RPH3A: variants seen among roughly 807,000 people sequenced by gnomAD.
The protein encoded by RPH3A is rabphilin-3A.
A neutral mutation model predicts 102.2 loss-of-function variants in RPH3A; 48 were observed. The ratio of observed to expected loss-of-function variants is 0.47; its 90% CI spans 0.37 to 0.60. RPH3A has a LOEUF of 0.60. Among genes scored for constraint, RPH3A ranks in the 20% least tolerant of loss-of-function variants. The probability of loss-of-function intolerance (pLI) is 0.00; values close to 1 mark genes in which losing one functional copy is unlikely to be tolerated. For synonymous variants in RPH3A, 310 were observed against 324.3 expected (o/e 0.96, Z 0.47); for missense variants, 781 against 910.1 (o/e 0.86, Z 1.83).
intron 5 of RPH3A, among the ~76,000 whole-genome samples, chr12:112,854,509 G>A (rs2042376710): frequency 6.6e-6 from 1 of 152,240 alleles, no homozygotes; most frequent in East Asian, 1.9e-4. Flanking sequence ...CTGAAGAACA[G>A]AGAGGTTTAG....
chr12:112,865,892 C>T (rs1406280571), intron 6 of RPH3A, among the ~76,000 whole-genome samples: 1 of 152,206 alleles, frequency 6.6e-6, no homozygotes, highest in African/African-American at 2.4e-5. Flanking sequence ...ATGCTAAGCA[C>T]ATGTTTATAC....
chr12:112,601,668 A>G (rs2039560557), intron 1 of RPH3A, among the ~76,000 whole-genome samples: 1 of 152,238 alleles, frequency 6.6e-6, no homozygotes. Context: ...ATAGTGGCTC[A>G]TGCCTGTAAT....
chr12:112,833,978 C>G (rs1482702751), intron 3 of RPH3A, among the ~76,000 whole-genome samples: 2 of 152,126 alleles, frequency 1.3e-5, no homozygotes, highest in African/African-American at 4.8e-5. Context: ...TCCTCCAGCC[C>G]TGGCCTCCCA....
intron 1 of RPH3A, among the ~76,000 whole-genome samples, chr12:112,654,810 G>T (rs1198784653): frequency 6.6e-6 from 1 of 152,160 alleles, no homozygotes; most frequent in Admixed American, 6.5e-5. Flanking sequence ...TTAGTTCAAG[G>T]AGGTGGTGTT....
At chr12:112,734,609 C>T (rs1262144608) in intron 1 of RPH3A, among the ~76,000 whole-genome samples, 2 of 152,180 alleles carry the variant, frequency 1.3e-5, no homozygotes, top group African/African-American at 4.8e-5. Flanking sequence ...GGCAGAGCAG[C>T]AGCTTGGGCT....
chr12:112,680,282 G>A (rs889685300), intron 1 of RPH3A, among the ~76,000 whole-genome samples: 11 of 152,174 alleles, frequency 7.2e-5, no homozygotes, highest in Non-Finnish European at 1.5e-4. Context: ...AAAGATCACT[G>A]CGATTACAGG....
intron 1 of RPH3A, among the ~76,000 whole-genome samples, chr12:112,680,735 G>A (rs1371268955): frequency 6.6e-6 from 1 of 152,126 alleles, no homozygotes; most frequent in Non-Finnish European, 1.5e-5. Context: ...CTCAGGACAT[G>A]CATAGCCCTC....
At chr12:112,731,248 GAGAGAA>G (rs1054296408) in intron 1 of RPH3A, among the ~76,000 whole-genome samples, 1 of 151,998 alleles carries the variant, frequency 6.6e-6, no homozygotes, top group African/African-American at 2.4e-5. Context: ...AGAGAGAGGA[GAGAGAA>G]AGAGAAAGAG....
chr12:112,662,883 G>T lies in RPH3A; in HGVS notation c.-140+87564G>T, dbSNP rs2040058516. ...ATTCTTCCCAAACCCCTAGTTATAG[G>T]GGTGGGTGCATGACCAGGCTGGGGC... On this transcript the variant is annotated intron_variant, in intron 1 of 21. Coordinates refer to the RPH3A transcript ENST00000543106. Among the ~76,000 whole-genome samples, 3 of 152,072 alleles carry T rather than the reference G, an allele frequency of 2.0e-5. No homozygotes were observed. In the South Asian group the frequency reaches 6.2e-4, roughly 32 times the overall value.
intron 2 of RPH3A, among the ~76,000 whole-genome samples, chr12:112,811,834 AG>A (rs1565894890): frequency 6.6e-6 from 1 of 152,196 alleles, no homozygotes; most frequent in Non-Finnish European, 1.5e-5. Flanking sequence ...AACTAGTTCA[AG>A]TGATACCAAA....
chr12:112,671,985 A>G lies in RPH3A; in HGVS notation c.-140+96666A>G, dbSNP rs190238187. 5.2e-3 allele frequency among the ~76,000 whole-genome samples: 786 copies of G among 151,614 alleles called. 4 individuals are homozygous for G. The highest frequency in any genetic ancestry group is 6.5e-3 in the Non-Finnish European group (443 of 67,904). On this transcript the variant is annotated intron_variant, in intron 1 of 21. Coordinates refer to the RPH3A transcript ENST00000543106. Reference sequence around the variant, plus strand: ...GGCTTAAGACAACAACTATTTATTTAGCTAATGATTTTTTGACTTGCCTAA... The same window carrying G: ...GGCTTAAGACAACAACTATTTATTTGGCTAATGATTTTTTGACTTGCCTAA...
intron 1 of RPH3A, among the ~76,000 whole-genome samples, chr12:112,709,069 T>A (rs2040443274): frequency 6.6e-6 from 1 of 152,152 alleles, no homozygotes; most frequent in South Asian, 2.1e-4. Flanking sequence ...AAACTCTTAC[T>A]CTCTTAAAAT....
At chr12:112,804,727 G>A (rs1249585079) in intron 2 of RPH3A, among the ~76,000 whole-genome samples, 1 of 152,194 alleles carries the variant, frequency 6.6e-6, no homozygotes, top group Non-Finnish European at 1.5e-5. Context: ...GCAGAGTGGG[G>A]ATGCCGCTAA....
At chr12:112,855,794 C>A (rs550236147) in intron 5 of RPH3A, among the ~76,000 whole-genome samples, 5 of 152,122 alleles carry the variant, frequency 3.3e-5, no homozygotes, top group Non-Finnish European at 2.9e-5. Context: ...CTTTAATAAA[C>A]TCAACAGTAA....
chr12:112,776,873 CAAAAAAAAAAAAAAAAAA>C lies in RPH3A; in HGVS notation c.-139-15249_-139-15232del, dbSNP rs548377186. Among the ~76,000 whole-genome samples, 37 of 73,920 alleles carry C rather than the reference CAAAAAAAAAAAAAAAAAA, an allele frequency of 5.0e-4. 1 individual carries two copies. Among genetic ancestry groups the C allele is most frequent in the Admixed American group, 3.1e-3 (18 of 5,782 alleles). The allele number at this position is 73,920 out of a possible 152,430, so 48.5% of individuals were successfully genotyped here. A position where few individuals can be genotyped will look rare whatever the true frequency, so the allele number is the denominator to read the frequency against. The stretch of plus-strand genomic sequence containing the variant: ...TGGGCGACAGAGTGAGACTCCATCT[CAAAAAAAAAAAAAAAAAA>C]AAAAAAAAAAAAAAAAAAAAGAAAG... On this transcript the variant is annotated intron_variant, in intron 1 of 21. Transcript: ENST00000543106.
chr12:112,754,876 G>A (rs958971786), intron 1 of RPH3A, among the ~76,000 whole-genome samples: 1 of 152,164 alleles, frequency 6.6e-6, no homozygotes, highest in Non-Finnish European at 1.5e-5. Flanking sequence ...AACAATGCCC[G>A]GTTCTGCTTC....
chr12:112,669,679 A>C (rs1487664370), intron 1 of RPH3A, among the ~76,000 whole-genome samples: 1 of 152,210 alleles, frequency 6.6e-6, no homozygotes, highest in Non-Finnish European at 1.5e-5. Flanking sequence ...GCATACACAC[A>C]TGTGATCAAC....
rs1195315917 is a variant in RPH3A, at chr12:112,718,873, G to A, written c.-139-73270G>A. On this transcript the variant is annotated intron_variant, in intron 1 of 21. Coordinates refer to the RPH3A transcript ENST00000543106. ...ATGGGCACAAGCCAGCTGATATTCAGATCTGTGCCATGTGTTTGCTGTCCT... is the reference window on the plus strand; with the variant it reads ...ATGGGCACAAGCCAGCTGATATTCAAATCTGTGCCATGTGTTTGCTGTCCT... 5.9e-5 allele frequency among the ~76,000 whole-genome samples: 9 copies of A among 152,248 alleles called. No individual in the cohort carries two copies. In the East Asian group the frequency reaches 1.7e-3, roughly 29 times the overall value.
intron 16 of RPH3A, among the ~76,000 whole-genome samples, chr12:112,886,143 A>C (rs1427732327): frequency 1.3e-5 from 2 of 152,122 alleles, no homozygotes; most frequent in East Asian, 3.8e-4. Context: ...GTTGGTGGCC[A>C]AGGAGTGCGG....
Sources: gnomAD v4.1 joint callset for allele counts (sites outside exome capture counted in the v4.1 genomes callset) on GRCh38, gnomAD v4.1.1 for gene constraint, MANE v1.5 for transcripts, NCBI Gene and HGNC (gene_info 2026-07-23, HGNC 2026-07-21) for gene names.